The following FERMT1 variants were observed in gnomAD, a reference collection of about 807,000 sequenced individuals.
FERMT1 encodes the protein fermitin family homolog 1.
Under a neutral mutation model 85.3 loss-of-function variants are expected in FERMT1, and 60 were observed. The observed-to-expected ratio is 0.70, with a 90% confidence interval of 0.57 to 0.87. The LOEUF (loss-of-function observed/expected upper bound fraction) is 0.87. Among genes scored for constraint, FERMT1 ranks in the 40% least tolerant of loss-of-function variants. The pLI is 0.00. For synonymous variants in FERMT1, 275 were observed against 301.1 expected (o/e 0.91, Z 0.90); for missense variants, 701 against 818.9 (o/e 0.86, Z 1.76).
chr20:6,096,482 A>G (rs1343044801), intron 8 of FERMT1, among the ~76,000 whole-genome samples: 3 of 152,178 alleles, frequency 2.0e-5, no homozygotes, highest in African/African-American at 7.2e-5. Flanking sequence ...CCTTGATTGC[A>G]CTACTGATTG....
rs1396784599 is a variant in FERMT1 at position 6,110,306 on chromosome 20, G to T, written c.738C>A (p.Leu246=). 1.9e-6 allele frequency: 3 copies of T among 1,612,276 alleles called. No individual in the cohort carries two copies. The highest frequency in any genetic ancestry group is 2.5e-6 in the Non-Finnish European group (3 of 1,179,478). ...AGGAGCCGTGTCCTTACCCTGCATT[G>T]AGCTTGGCTTTATCAACCAGAGACC... is the stretch of plus-strand genomic sequence containing the variant. ...QPRSLVDKAK[L]NAGWLDSSRS... The change falls in exon 5 of 15, where the codon CTC becomes CTA. Residue 246 remains leucine (L), a synonymous_variant. Coordinates refer to ENST00000217289, the MANE Select transcript of FERMT1 (RefSeq NM_017671.5).
intron 13 of FERMT1, among the ~76,000 whole-genome samples, chr20:6,080,340 G>T (rs138860469): frequency 1.3e-5 from 2 of 152,056 alleles, no homozygotes; most frequent in Non-Finnish European, 2.9e-5. Flanking sequence ...TAGAGACAGG[G>T]TCTTGTTATG....
intron 6 of FERMT1, among the ~76,000 whole-genome samples, chr20:6,106,583 T>G (rs923461166): frequency 6.6e-6 from 1 of 152,166 alleles, no homozygotes; most frequent in African/African-American, 2.4e-5. Context: ...ACTGGGCCAT[T>G]GTACCGCTGA....
rs1982465082 is a variant in FERMT1, at chr20:6,095,042, T to TACTC, written c.1090-58_1090-55dup. ...GCAGGAACTTCATAAGTGATGCTGA[T>TACTC]ACTCAACCTGCACTGTCTAATATGG... On this transcript the variant is annotated intron_variant, in intron 8 of 14. Coordinates refer to ENST00000217289, the MANE Select transcript of FERMT1 (RefSeq NM_017671.5). The TACTC allele has an allele frequency of 7.4e-6, 7 of 947,838 alleles. No homozygotes were observed. In the South Asian group the frequency reaches 9.0e-5, roughly 12 times the overall value. The allele number at this position is 947,838 out of a possible 1,614,324, so 58.7% of individuals were successfully genotyped here.
chr20:6,097,730 G>A (rs1982549056), intron 6 of FERMT1, 99 bp from the exon 7 acceptor site: 2 of 851,576 alleles, frequency 2.3e-6, no homozygotes, highest in Non-Finnish European at 4.0e-6. Flanking sequence ...TTAATCAGAT[G>A]CAGCAAACTT....
intron 6 of FERMT1, among the ~76,000 whole-genome samples, chr20:6,098,053 AC>A (rs1239646234): frequency 1.3e-5 from 2 of 151,950 alleles, no homozygotes; most frequent in Non-Finnish European, 2.9e-5. Flanking sequence ...TGCTCAAACG[AC>A]CTACCCATCT....
At chr20:6,077,881 C>G (rs1182431210) in intron 14 of FERMT1, among the ~76,000 whole-genome samples, 3 of 152,078 alleles carry the variant, frequency 2.0e-5, no homozygotes, top group Admixed American at 2.0e-4. Flanking sequence ...GGGGTTTCAC[C>G]ATGTTGGCCA....
At chr20:6,103,381 C>T (rs73894405) in intron 6 of FERMT1, among the ~76,000 whole-genome samples, 2,415 of 152,302 alleles carry the variant, frequency 0.016, 56 homozygotes, top group African/African-American at 0.054. Context: ...ATAACCGCCC[C>T]TGTATACCTA....
intron 13 of FERMT1, among the ~76,000 whole-genome samples, chr20:6,080,676 G>A (rs1157490351): frequency 2.6e-5 from 4 of 152,198 alleles, no homozygotes. Context: ...TGGGCAGGAT[G>A]TTGGTGTAAG....
chr20:6,080,818 T>C (rs1981973960), intron 13 of FERMT1, among the ~76,000 whole-genome samples: 3 of 152,168 alleles, frequency 2.0e-5, no homozygotes, highest in Non-Finnish European at 2.9e-5. Context: ...ACTTTGGACA[T>C]GTAAAGATGA....
chr20:6,102,883 G>C (rs1982699211), intron 6 of FERMT1, among the ~76,000 whole-genome samples: 1 of 151,874 alleles, frequency 6.6e-6, no homozygotes, highest in Admixed American at 6.6e-5. Context: ...TAGTTTTCTT[G>C]CTCTTTCTTA....
At position 6,076,653 on chromosome 20, in the gene FERMT1, C is replaced by T. The variant is rs1384966593; in HGVS notation, c.*520G>A. 5 of 340,998 alleles carry T rather than the reference C, an allele frequency of 1.5e-5. No individual in the cohort carries two copies. The highest frequency in any genetic ancestry group is 2.9e-5 in the Non-Finnish European group (5 of 172,568). 21.1% of individuals were successfully genotyped at this position (340,998 alleles called of 1,614,324 possible). On this transcript the variant is annotated 3_prime_UTR_variant, in exon 15 of 15. Transcript: ENST00000217289. ...CCCCTTTCTACCCCTAGACCTTGGC[C>T]TCCAGGGAAAAAGTGTGTGTAGGAA...
At chr20:6,101,468 A>G (rs1361814188) in intron 6 of FERMT1, among the ~76,000 whole-genome samples, 1 of 152,200 alleles carries the variant, frequency 6.6e-6, no homozygotes, top group Non-Finnish European at 1.5e-5. Flanking sequence ...AAAACAAATG[A>G]TCCTACTTAT....
chr20:6,088,697 C>T (rs1308051788), intron 10 of FERMT1, among the ~76,000 whole-genome samples: 1 of 149,522 alleles, frequency 6.7e-6, no homozygotes, highest in Non-Finnish European at 1.5e-5. Flanking sequence ...GGCATCATCT[C>T]GGCTCACTGC....
rs45617837 is a variant in FERMT1 at position 6,107,471 on chromosome 20, A to G, written c.849+61T>C. The G allele has an allele frequency of 5.4e-3, 5,533 of 1,023,144 alleles. 19 individuals are homozygous for G. Among genetic ancestry groups the G allele is most frequent in the Non-Finnish European group, 6.7e-3 (4,418 of 661,046 alleles). The allele number at this position is 1,023,144 out of a possible 1,614,324, so 63.4% of individuals were successfully genotyped here. A position where few individuals can be genotyped will look rare whatever the true frequency, so the allele number is the denominator to read the frequency against. The stretch of plus-strand genomic sequence containing the variant: ...CTAATTTTCATAAGCAAATGCCTCC[A>G]TTTTATCCTTTCATGCATTCATATT... On this transcript the variant is annotated intron_variant, in intron 6 of 14. Coordinates refer to ENST00000217289, the MANE Select transcript of FERMT1 (RefSeq NM_017671.5).
rs1982228111 is a variant in FERMT1 at position 6,087,815 on chromosome 20, C to A, written c.1333G>T (p.Ala445Ser). 6.2e-7 allele frequency: 1 copy of A among 1,610,742 alleles called. No individual in the cohort carries two copies. Among genetic ancestry groups the A allele is most frequent in the Admixed American group, 1.7e-5 (1 of 60,004 alleles). ...AAATACATTTCATTCATACCATCGG[C>A]AACAGGGATTAGTAACTTGATTCCA... is the stretch of plus-strand genomic sequence containing the variant. ...KFGIKLLIPV[A>S]DGMNEMYLRC... is the part of the protein sequence containing the mutation. Residue 445 changes from alanine (A) to serine (S), a missense_variant, in exon 11 of 15, where the codon GCC (alanine) becomes TCC (serine). Ala to Ser is a moderately conservative substitution (Grantham distance 99, BLOSUM62 1). Transcript: ENST00000217289.
chr20:6,087,326 G>T (rs1982213995), intron 11 of FERMT1, among the ~76,000 whole-genome samples: 1 of 152,014 alleles, frequency 6.6e-6, no homozygotes, highest in Admixed American at 6.6e-5. Flanking sequence ...TTCTTTTTCT[G>T]GGGGAACAGA....
chr20:6,118,351 G>T (rs1478061547), intron 2 of FERMT1, among the ~76,000 whole-genome samples: 1 of 151,682 alleles, frequency 6.6e-6, no homozygotes, highest in African/African-American at 2.4e-5. Context: ...TGTGGTGTTA[G>T]AAGTCAGGAC....
intron 3 of FERMT1, among the ~76,000 whole-genome samples, chr20:6,114,250 A>G (rs1218748433): frequency 6.6e-6 from 1 of 152,232 alleles, no homozygotes; most frequent in African/African-American, 2.4e-5. Context: ...CACTAAAAGC[A>G]AAACAATGAA....
Sources: gnomAD v4.1 joint callset for allele counts (sites outside exome capture counted in the v4.1 genomes callset) on GRCh38, gnomAD v4.1.1 for gene constraint, MANE v1.5 for transcripts, NCBI Gene and HGNC (gene_info 2026-07-23, HGNC 2026-07-21) for gene names.